KIF16B: variants seen among roughly 807,000 people sequenced by gnomAD.
The protein encoded by KIF16B is kinesin-like protein KIF16B.
Under a neutral mutation model 156.3 loss-of-function variants are expected in KIF16B, and 98 were observed. The ratio of observed to expected loss-of-function variants is 0.63; its 90% CI spans 0.53 to 0.74. KIF16B has a LOEUF of 0.74. KIF16B is among the 30% of genes least tolerant of loss of function. The pLI, the probability that KIF16B is intolerant of heterozygous loss-of-function variation, is 0.00. For synonymous variants in KIF16B, 564 were observed against 583.7 expected (o/e 0.97, Z 0.49); for missense variants, 1,421 against 1,606.5 (o/e 0.88, Z 1.97).
At chr20:16,353,903 C>T (rs1306897578) in intron 23 of KIF16B, among the ~76,000 whole-genome samples, 1 of 152,218 alleles carries the variant, frequency 6.6e-6, no homozygotes, top group African/African-American at 2.4e-5. Context: ...TTGGTGCTAA[C>T]ACATTCCTGG....
intron 1 of KIF16B, among the ~76,000 whole-genome samples, chr20:16,530,289 G>C (rs755280258): frequency 6.6e-6 from 1 of 152,140 alleles, no homozygotes; most frequent in African/African-American, 2.4e-5. Flanking sequence ...CCTTGACTAT[G>C]GGCTGGACCT....
intron 25 of KIF16B, among the ~76,000 whole-genome samples, chr20:16,274,997 T>G (rs1324916605): frequency 1.3e-5 from 2 of 152,168 alleles, no homozygotes; most frequent in Non-Finnish European, 2.9e-5. Flanking sequence ...TCTAAAAATC[T>G]TCTAACATCC....
At chr20:16,450,800 A>T in intron 12 of KIF16B, among the ~76,000 whole-genome samples, 1 of 151,874 alleles carries the variant, frequency 6.6e-6, no homozygotes, top group Middle Eastern at 3.4e-3. Flanking sequence ...AAACAAACAG[A>T]GTCATATTTG....
chr20:16,361,452 A>G (rs1171067141), intron 22 of KIF16B, among the ~76,000 whole-genome samples: 1 of 152,196 alleles, frequency 6.6e-6, no homozygotes, highest in Non-Finnish European at 1.5e-5. Context: ...CTTTGCTATG[A>G]GGGGATCTTG....
intron 12 of KIF16B, among the ~76,000 whole-genome samples, chr20:16,433,047 C>A (rs2066544567): frequency 6.6e-6 from 1 of 152,156 alleles, no homozygotes; most frequent in East Asian, 1.9e-4. Context: ...CCTACTCCTA[C>A]CTCTCGGATA....
intron 23 of KIF16B, among the ~76,000 whole-genome samples, chr20:16,344,142 T>C (rs199601707): frequency 2.6e-5 from 4 of 152,300 alleles, no homozygotes; most frequent in South Asian, 2.1e-4. Context: ...TAACTATGAG[T>C]GTGTCTGAGA....
rs573465585 is a variant in KIF16B at position 16,452,792 on chromosome 20, G to A, written c.1303-22810C>T. 1.4e-4 allele frequency among the ~76,000 whole-genome samples: 21 copies of A among 149,724 alleles called. No individual in the cohort carries two copies. The South Asian group carries it at 3.2e-3, about 23-fold the overall frequency. ...GAAGCTTGCAGTGAGCCGAGATCGC[G>A]CCACTGCACTCCAGCCTGGGCAACA... On this transcript the variant is annotated intron_variant, in intron 12 of 25. Coordinates refer to ENST00000354981, the MANE Select transcript of KIF16B (RefSeq NM_024704.5).
At chr20:16,465,646 G>T (rs968723258) in intron 12 of KIF16B, among the ~76,000 whole-genome samples, 4 of 151,934 alleles carry the variant, frequency 2.6e-5, no homozygotes, top group Non-Finnish European at 2.9e-5. Flanking sequence ...CTTCCAACAG[G>T]AATCCAAAAC....
chr20:16,488,217 C>T (rs1555195), intron 12 of KIF16B, among the ~76,000 whole-genome samples: 50,954 of 152,126 alleles, frequency 0.33, 10,662 homozygotes, highest in African/African-American at 0.59. Flanking sequence ...CAAACAGCAC[C>T]CTCAGGGCTG....
chr20:16,482,709 G>A (rs991040051), intron 12 of KIF16B, among the ~76,000 whole-genome samples: 22 of 152,258 alleles, frequency 1.4e-4, no homozygotes, highest in South Asian at 2.1e-4. Flanking sequence ...GGATTCCTGA[G>A]TCATAAATAT....
chr20:16,401,330 C>T (rs1468728669), intron 17 of KIF16B, among the ~76,000 whole-genome samples: 2 of 152,150 alleles, frequency 1.3e-5, no homozygotes, highest in African/African-American at 4.8e-5. Flanking sequence ...GCTTAAAGAT[C>T]CTGAACATGA....
At chr20:16,304,269 C>T (rs931704611) in intron 25 of KIF16B, among the ~76,000 whole-genome samples, 1 of 152,184 alleles carries the variant, frequency 6.6e-6, no homozygotes, top group Non-Finnish European at 1.5e-5. Context: ...TCCCACATAC[C>T]CTCCAATTGG....
chr20:16,454,411 T>C (rs1402482115), intron 12 of KIF16B, among the ~76,000 whole-genome samples: 1 of 150,216 alleles, frequency 6.7e-6, no homozygotes, highest in East Asian at 1.9e-4. Flanking sequence ...TATGGATATA[T>C]GTTAAGGTGC....
intron 1 of KIF16B, among the ~76,000 whole-genome samples, chr20:16,536,955 C>T (rs1012015853): frequency 6.6e-6 from 1 of 152,094 alleles, no homozygotes; most frequent in African/African-American, 2.4e-5. Context: ...CCCTACCCAA[C>T]ATTCAGTTAC....
intron 15 of KIF16B, among the ~76,000 whole-genome samples, chr20:16,420,867 G>A (rs2066209095): frequency 6.6e-6 from 1 of 152,038 alleles, no homozygotes; most frequent in Admixed American, 6.6e-5. Context: ...AGGATTACCT[G>A]GACTTTAGGA....
At chr20:16,302,464 C>T (rs1161031703) in intron 25 of KIF16B, among the ~76,000 whole-genome samples, 2 of 152,156 alleles carry the variant, frequency 1.3e-5, no homozygotes, top group Non-Finnish European at 2.9e-5. Context: ...TGTTCTGTTC[C>T]ATTATCTGTC....
At chr20:16,391,771 C>T (rs1162297853) in intron 17 of KIF16B, among the ~76,000 whole-genome samples, 1 of 152,180 alleles carries the variant, frequency 6.6e-6, no homozygotes, top group African/African-American at 2.4e-5. Context: ...GGGTGGACAC[C>T]ACTCAGGGCC....
chr20:16,494,641 A>C (rs1239169637), intron 11 of KIF16B, among the ~76,000 whole-genome samples: 1 of 152,226 alleles, frequency 6.6e-6, no homozygotes. Context: ...ATTATTAACC[A>C]AAATTACAAG....
intron 12 of KIF16B, among the ~76,000 whole-genome samples, chr20:16,444,910 T>G (rs6111128): frequency 0.068 from 10,361 of 152,276 alleles, 1,082 homozygotes; most frequent in African/African-American, 0.22. Flanking sequence ...TTGAAGCTTC[T>G]ATTCTAAATA....
Sources: gnomAD v4.1 joint callset for allele counts (sites outside exome capture counted in the v4.1 genomes callset) on GRCh38, gnomAD v4.1.1 for gene constraint, MANE v1.5 for transcripts, NCBI Gene and HGNC (gene_info 2026-07-23, HGNC 2026-07-21) for gene names.